GFI1B: variants seen among roughly 807,000 people sequenced by gnomAD.
GFI1B encodes the protein growth factor independent 1B transcriptional repressor.
A neutral mutation model predicts 35.3 loss-of-function variants in GFI1B; 20 were observed. That is an observed-to-expected ratio of 0.57 (90% CI 0.40 to 0.82). The LOEUF is 0.82. Among genes scored for constraint, GFI1B ranks in the 40% least tolerant of loss-of-function variants. The pLI, the probability that GFI1B is intolerant of heterozygous loss-of-function variation, is 0.00. For synonymous variants in GFI1B, 178 were observed against 177.6 expected (o/e 1.00, Z -0.02); for missense variants, 430 against 446.3 (o/e 0.96, Z 0.33).
intron 1 of GFI1B, among the ~76,000 whole-genome samples, chr9:132,961,090 A>C (rs1401189127): frequency 1.3e-5 from 2 of 152,162 alleles, no homozygotes; most frequent in Non-Finnish European, 2.9e-5. Flanking sequence ...CCTACACCAG[A>C]ATAAACTTTA....
intron 1 of GFI1B, among the ~76,000 whole-genome samples, chr9:132,983,282 C>G (rs140282338): frequency 6.9e-6 from 1 of 145,794 alleles, no homozygotes; most frequent in South Asian, 2.2e-4. Context: ...CTGCAACCTC[C>G]GCCTCCCGGG....
At chr9:132,968,759 CAG>C (rs1397148743) in intron 1 of GFI1B, among the ~76,000 whole-genome samples, 4 of 152,182 alleles carry the variant, frequency 2.6e-5, no homozygotes, top group Non-Finnish European at 4.4e-5. Flanking sequence ...ATGAAGGCCT[CAG>C]AGGCATGGAG....
At chr9:132,993,246 ATGT>A, downstream of GFI1B, among the ~76,000 whole-genome samples, 1 of 152,296 alleles carries the variant, frequency 6.6e-6, no homozygotes, top group South Asian at 2.1e-4. Context: ...GTGAGCCGAG[ATGT>A]TGTCGTTGCA....
chr9:132,962,434 G>A (rs545813663), intron 1 of GFI1B: 55 of 370,878 alleles, frequency 1.5e-4, no homozygotes, highest in African/African-American at 1.1e-3. Flanking sequence ...CTCCTCTCCT[G>A]GCCCATAAAA....
chr9:132,969,777 A>C (rs1848505277), intron 1 of GFI1B, among the ~76,000 whole-genome samples: 1 of 152,052 alleles, frequency 6.6e-6, no homozygotes, highest in Admixed American at 6.6e-5. Context: ...TTAACAGACC[A>C]CTTTCACAAG....
chr9:132,976,881 G>A (rs774799499), upstream of GFI1B, among the ~76,000 whole-genome samples: 1 of 152,170 alleles, frequency 6.6e-6, no homozygotes. Flanking sequence ...GGTCGAGGCT[G>A]CAGTGAGCTA....
Position 132,987,397 on chromosome 9 carries a change from G to A in GFI1B, c.216G>A (p.Leu72=). The A allele has an allele frequency of 6.2e-7, 1 of 1,614,250 alleles. No individual in the cohort carries two copies. Among genetic ancestry groups the A allele is most frequent in the Non-Finnish European group, 8.5e-7 (1 of 1,180,048 alleles). ...CGGAGCTGGAGCAGGACCAGAACTTGGCCAGGATGGCCCCGGCACCAGGTA... is the reference window on the plus strand; with the variant it reads ...CGGAGCTGGAGCAGGACCAGAACTTAGCCAGGATGGCCCCGGCACCAGGTA... The part of the protein sequence containing the change: ...REPELEQDQN[L]ARMAPAPEGP... Residue 72 remains leucine, a synonymous_variant, in exon 3 of 7, where the codon TTG becomes TTA. Transcript: ENST00000372122.
intron 1 of GFI1B, among the ~76,000 whole-genome samples, chr9:132,967,709 T>C (rs1435681322): frequency 2.0e-5 from 3 of 152,168 alleles, no homozygotes; most frequent in Admixed American, 1.3e-4. Flanking sequence ...CCAGTATGGG[T>C]GAAGTGTCAT....
At chr9:132,987,136 G>A in intron 2 of GFI1B, 146 bp from the exon 3 acceptor site, 2 of 913,848 alleles carry the variant, frequency 2.2e-6, no homozygotes, top group Non-Finnish European at 3.5e-6. Flanking sequence ...GCTCTGGGCA[G>A]AGCCCGGGAG....
Position 132,988,333 on chromosome 9 carries a change from C to A in GFI1B, c.375C>A (p.Thr125=). ...YGHSYRQAPS[T]MQSAFLEHSV... is the part of the protein sequence containing the mutation. Reference sequence around the variant, plus strand: ...ACAGCTACCGGCAGGCCCCCTCCACCATGCAGTCAGCCTTCCTGGAGCACT... The same window carrying A: ...ACAGCTACCGGCAGGCCCCCTCCACAATGCAGTCAGCCTTCCTGGAGCACT... The change falls in exon 4 of 7, where the codon ACC becomes ACA. Residue 125 remains threonine, a synonymous_variant. Transcript: ENST00000372122. The A allele has an allele frequency of 6.2e-7, 1 of 1,614,224 alleles. No individual in the cohort carries two copies. Among genetic ancestry groups the A allele is most frequent in the Non-Finnish European group, 8.5e-7 (1 of 1,180,016 alleles).
At chr9:132,985,827 AT>A (rs1215978401) in intron 1 of GFI1B, among the ~76,000 whole-genome samples, 24 of 152,332 alleles carry the variant, frequency 1.6e-4, no homozygotes, top group Admixed American at 1.4e-3. Context: ...CGAACCACTG[AT>A]TCCAAAACCT....
intron 1 of GFI1B, chr9:132,972,632 C>CTTCT (rs773080893): frequency 6.6e-6 from 1 of 152,230 alleles, no homozygotes; most frequent in Non-Finnish European, 1.5e-5. Flanking sequence ...GGTGCATATT[C>CTTCT]TTCTTTTTCT....
chr9:132,977,804 C>T (rs7026424), upstream of GFI1B, among the ~76,000 whole-genome samples: 1,135 of 152,254 alleles, frequency 7.5e-3, 11 homozygotes, highest in African/African-American at 0.026. Flanking sequence ...CCCCACTGGC[C>T]TCCCCATCAC....
Position 132,991,532 on chromosome 9 carries a change from G to A in GFI1B, c.*482G>A. 5.8e-6 allele frequency: 1 copy of A among 173,430 alleles called. No individual in the cohort carries two copies. Among genetic ancestry groups the A allele is most frequent in the Non-Finnish European group, 1.3e-5 (1 of 79,798 alleles). 10.7% of individuals were successfully genotyped at this position (173,430 alleles called of 1,614,324 possible). A position where few individuals can be genotyped will look rare whatever the true frequency, so the allele number is the denominator to read the frequency against. Reference sequence around the variant, plus strand: ...GAAGCCTGGCACCCCCTCTGCTTCGGCCAGATGTGCTGGCTGACTCCGACT... The same window carrying A: ...GAAGCCTGGCACCCCCTCTGCTTCGACCAGATGTGCTGGCTGACTCCGACT... On this transcript the variant is annotated 3_prime_UTR_variant, in exon 7 of 7. Transcript: ENST00000372122.
At chr9:132,962,741 G>A (rs553937035) in intron 1 of GFI1B, 3 of 400,498 alleles carry the variant, frequency 7.5e-6, no homozygotes, top group Admixed American at 5.8e-5. Flanking sequence ...AGCTGAAAAT[G>A]TCACCATATC....
At chr9:132,992,284 A>C (rs1042772048), downstream of GFI1B, among the ~76,000 whole-genome samples, 2 of 152,066 alleles carry the variant, frequency 1.3e-5, no homozygotes, top group Non-Finnish European at 2.9e-5. Context: ...AAATCATCCC[A>C]TCTCAAGATC....
chr9:132,977,170 T>C (rs1488516784), upstream of GFI1B, among the ~76,000 whole-genome samples: 1 of 152,168 alleles, frequency 6.6e-6, no homozygotes, highest in Non-Finnish European at 1.5e-5. Context: ...TTGGTCAGGC[T>C]GGTCTTGAAC....
At chr9:132,962,720 T>C in intron 1 of GFI1B, 1 of 412,306 alleles carries the variant, frequency 2.4e-6, no homozygotes, top group Admixed American at 2.8e-5. Context: ...GTCACCATCA[T>C]CACCATATCA....
At chr9:132,975,259 G>A (rs1192792593), upstream of GFI1B, 3 of 152,238 alleles carry the variant, frequency 2.0e-5, no homozygotes, top group African/African-American at 7.2e-5. Flanking sequence ...CCTGATCTTT[G>A]TTCTTTTTCT....
Sources: gnomAD v4.1 joint callset for allele counts (sites outside exome capture counted in the v4.1 genomes callset) on GRCh38, gnomAD v4.1.1 for gene constraint, MANE v1.5 for transcripts, NCBI Gene and HGNC (gene_info 2026-07-23, HGNC 2026-07-21) for gene names.